The following ANKIB1 variants were observed in gnomAD, a reference collection of about 807,000 sequenced individuals.
ANKIB1 encodes ankyrin repeat and IBR domain-containing protein 1.
A neutral mutation model predicts 122.1 loss-of-function variants in ANKIB1; 43 were observed. That is an observed-to-expected ratio of 0.35 (90% CI 0.28 to 0.45). The LOEUF is 0.45. ANKIB1 is among the 20% of genes least tolerant of loss of function. The pLI, the probability that ANKIB1 is intolerant of heterozygous loss-of-function variation, is 1.00. For missense variants in ANKIB1, 992 were observed against 1,329.5 expected (o/e 0.75, Z 3.95); for synonymous variants, 390 against 442.0 (o/e 0.88, Z 1.48).
intron 1 of ANKIB1, among the ~76,000 whole-genome samples, chr7:92,261,088 G>A (rs1276182678): frequency 2.0e-5 from 3 of 151,946 alleles, no homozygotes; most frequent in East Asian, 1.9e-4. Context: ...GGTGGCTCAC[G>A]CCTGTAATCC....
intron 9 of ANKIB1, among the ~76,000 whole-genome samples, chr7:92,358,246 A>G (rs1199640827): frequency 1.3e-5 from 2 of 152,234 alleles, no homozygotes; most frequent in Admixed American, 1.3e-4. Flanking sequence ...CGCCTCAAAA[A>G]AAAATGTGGC....
At chr7:92,307,959 A>G (rs1300119410) in intron 3 of ANKIB1, among the ~76,000 whole-genome samples, 1 of 151,458 alleles carries the variant, frequency 6.6e-6, no homozygotes, top group Non-Finnish European at 1.5e-5. Context: ...GACTACAGGC[A>G]CGCGCCACAA....
At chr7:92,260,523 A>G (rs1015129366) in intron 1 of ANKIB1, among the ~76,000 whole-genome samples, 1 of 152,128 alleles carries the variant, frequency 6.6e-6, no homozygotes, top group Non-Finnish European at 1.5e-5. Context: ...TACAAAAGGT[A>G]AACTAAATTA....
chr7:92,287,922 G>T (rs966779671), intron 1 of ANKIB1, among the ~76,000 whole-genome samples: 3 of 151,878 alleles, frequency 2.0e-5, no homozygotes, highest in African/African-American at 7.2e-5. Context: ...TGTAGTCCCA[G>T]CTACTTGGGA....
intron 1 of ANKIB1, among the ~76,000 whole-genome samples, chr7:92,282,190 G>C (rs1277902390): frequency 6.6e-6 from 1 of 151,818 alleles, no homozygotes; most frequent in Non-Finnish European, 1.5e-5. Flanking sequence ...CAGGGTCTCT[G>C]TCACCCAGAC....
chr7:92,295,201 ATTACC>A, intron 2 of ANKIB1, 35 bp downstream of exon 2: 1 of 1,398,942 alleles, frequency 7.1e-7, no homozygotes, highest in African/African-American at 1.5e-5. Flanking sequence ...GTATTAGGGT[ATTACC>A]GTAAACTAAT....
At chr7:92,387,746 T>G in intron 12 of ANKIB1, 52 bp from the exon 13 acceptor site, 1 of 1,397,494 alleles carries the variant, frequency 7.2e-7, no homozygotes, top group Non-Finnish European at 9.9e-7. Context: ...AAAAAACTAT[T>G]TTAGTAGCTA....
At position 92,382,717 on chromosome 7, in the gene ANKIB1, A is replaced by G. The variant is rs369870417; in HGVS notation, c.1618-3792A>G. On this transcript the variant is annotated intron_variant, in intron 11 of 19. Transcript: ENST00000265742. ...GAGAACAAAGACACAACATACCAGA[A>G]TCTCTGGGACACATTTAAAGCAGTG... is the stretch of plus-strand genomic sequence containing the variant. 3.2e-4 allele frequency among the ~76,000 whole-genome samples: 48 copies of G among 152,350 alleles called. 1 individual carries two copies. Among genetic ancestry groups the G allele is most frequent in the African/African-American group, 9.9e-4 (41 of 41,578 alleles).
In ANKIB1 at chr7:92,261,059, A is replaced by G. The variant is rs548013083; in HGVS notation, c.-91+14540A>G. ...TCTCTTGTTTGGATTTGAAATTACTATGTTTTTTGGCCGGGCGCGGTGGCT... is the reference window on the plus strand; with the variant it reads ...TCTCTTGTTTGGATTTGAAATTACTGTGTTTTTTGGCCGGGCGCGGTGGCT... On this transcript the variant is annotated intron_variant, in intron 1 of 19. Transcript: ENST00000265742. Among the ~76,000 whole-genome samples the G allele has an allele frequency of 4.6e-5, 7 of 152,236 alleles. No homozygotes were observed. The South Asian group carries it at 1.2e-3, about 27-fold the overall frequency.
At chr7:92,345,439 C>T (rs1290470011) in intron 7 of ANKIB1, among the ~76,000 whole-genome samples, 2 of 152,098 alleles carry the variant, frequency 1.3e-5, no homozygotes, top group South Asian at 2.1e-4. Context: ...TTTGTGACAA[C>T]CAAGTTGCCT....
chr7:92,338,936 ATATATATATATATATATAT>A (rs1803366330), intron 5 of ANKIB1, among the ~76,000 whole-genome samples: 3 of 22,476 alleles, frequency 1.3e-4, no homozygotes, highest in South Asian at 1.6e-3. Context: ...AAAAAAAAAT[ATATATATATATATATATAT>A]ATATATATAT....
intron 1 of ANKIB1, among the ~76,000 whole-genome samples, chr7:92,249,181 C>T (rs1407188133): frequency 6.6e-6 from 1 of 152,200 alleles, no homozygotes; most frequent in Non-Finnish European, 1.5e-5. Flanking sequence ...AGCCACTGCG[C>T]CTGGCCTTCC....
At chr7:92,267,773 G>A (rs1056582960) in intron 1 of ANKIB1, among the ~76,000 whole-genome samples, 10 of 152,206 alleles carry the variant, frequency 6.6e-5, no homozygotes, top group Admixed American at 5.2e-4. Flanking sequence ...TAAGCCAGGA[G>A]ATTTTTTAAT....
intron 1 of ANKIB1, among the ~76,000 whole-genome samples, chr7:92,248,277 G>A (rs775374727): frequency 7.2e-5 from 11 of 152,038 alleles, no homozygotes; most frequent in Non-Finnish European, 1.0e-4. Flanking sequence ...TAAGGAGTCT[G>A]AAACTGTGCC....
intron 4 of ANKIB1, among the ~76,000 whole-genome samples, chr7:92,326,794 T>C (rs909658881): frequency 6.6e-6 from 1 of 152,120 alleles, no homozygotes. Flanking sequence ...AGAAAAGTTT[T>C]GGTTAACTTT....
intron 11 of ANKIB1, among the ~76,000 whole-genome samples, chr7:92,377,274 C>G (rs1456342439): frequency 6.6e-6 from 1 of 151,954 alleles, no homozygotes; most frequent in Non-Finnish European, 1.5e-5. Flanking sequence ...GAGAGGGAGA[C>G]AGACAGAGAC....
chr7:92,276,939 G>A (rs1022272603), intron 1 of ANKIB1, among the ~76,000 whole-genome samples: 1 of 152,160 alleles, frequency 6.6e-6, no homozygotes. Context: ...TGGATCATGG[G>A]GGCGAATTTC....
intron 8 of ANKIB1, among the ~76,000 whole-genome samples, chr7:92,351,455 C>T (rs1261593081): frequency 6.6e-6 from 1 of 152,104 alleles, no homozygotes; most frequent in Non-Finnish European, 1.5e-5. Context: ...CATTATCTTT[C>T]ATGCTTCTAA....
chr7:92,264,231 G>A (rs1435990075), intron 1 of ANKIB1, among the ~76,000 whole-genome samples: 1 of 149,888 alleles, frequency 6.7e-6, no homozygotes, highest in Non-Finnish European at 1.5e-5. Context: ...GATTGTAGCA[G>A]AGGGAAAACC....
Sources: gnomAD v4.1 joint callset for allele counts (sites outside exome capture counted in the v4.1 genomes callset) on GRCh38, gnomAD v4.1.1 for gene constraint, MANE v1.5 for transcripts, NCBI Gene and HGNC (gene_info 2026-07-23, HGNC 2026-07-21) for gene names.